EPHA10: variants seen among roughly 807,000 people sequenced by gnomAD.
The protein encoded by EPHA10 is EPH receptor A10, also known as ephrin type-A receptor 10.
In EPHA10, 120 loss-of-function variants were observed where a neutral mutation model predicts 109.7. The ratio of observed to expected loss-of-function variants is 1.09; its 90% CI spans 0.94 to 1.27. The LOEUF is 1.27. Ranked by LOEUF, EPHA10 falls within the 50% of genes most tolerant of loss-of-function variation. The pLI, the probability that EPHA10 is intolerant of heterozygous loss-of-function variation, is 0.00. For synonymous variants in EPHA10, 640 were observed against 618.9 expected, an observed-to-expected ratio of 1.03 and a Z score of -0.51; for missense variants, 1,396 against 1,411.1, an observed-to-expected ratio of 0.99 and a Z score of 0.17.
At chr1:37,748,766 A>G (rs1646277459) in intron 5 of EPHA10, among the ~76,000 whole-genome samples, 1 of 152,188 alleles carries the variant, frequency 6.6e-6, no homozygotes, top group South Asian at 2.1e-4. Flanking sequence ...GAAAATGCTT[A>G]ATAAGCATTT....
intron 11 of EPHA10, among the ~76,000 whole-genome samples, chr1:37,721,118 C>T (rs922173253): frequency 2.0e-5 from 3 of 152,034 alleles, no homozygotes; most frequent in African/African-American, 7.2e-5. Flanking sequence ...GGACCTATCA[C>T]AGGTCAGAAA....
At chr1:37,747,714 G>C (rs1646261881) in intron 5 of EPHA10, among the ~76,000 whole-genome samples, 1 of 152,084 alleles carries the variant, frequency 6.6e-6, no homozygotes, top group Non-Finnish European at 1.5e-5. Context: ...GTTGCAATGA[G>C]CTGAGATGGT....
rs1451481491 is a variant in EPHA10 at position 37,728,904 on chromosome 1, GAGAA to G, written c.1664-1698_1664-1695del. Among the ~76,000 whole-genome samples, 12 of 152,302 alleles carry G rather than the reference GAGAA, an allele frequency of 7.9e-5. No homozygotes were observed. The East Asian group carries it at 1.9e-3, about 24-fold the overall frequency. ...AGGCAACCATGTGGACACAGAAACG[GAGAA>G]AGATGCCAGCAGTGGGCAGTCTCTG... On this transcript the variant is annotated intron_variant, in intron 7 of 16. Transcript: ENST00000373048.
At position 37,720,764 on chromosome 1, in the gene EPHA10, C is replaced by T. The variant is rs375726749; in HGVS notation, c.2208+19G>A. 8 of 1,613,554 alleles carry T rather than the reference C, an allele frequency of 5.0e-6. No homozygotes were observed. The African/African-American group carries it at 9.3e-5, about 19-fold the overall frequency. On this transcript the variant is annotated intron_variant, in intron 12 of 16. Transcript: ENST00000373048. ...CTTTACAGAATAAAGTGGTCATTGG[C>T]AGCCCCAGGGCCACTCACCCTGAGG...
In EPHA10 at chr1:37,717,996, T is replaced by C; in HGVS notation, c.*376A>G. The C allele has an allele frequency of 3.4e-6, 1 of 291,748 alleles. No homozygotes were observed. The highest frequency in any genetic ancestry group is 6.5e-6 in the Non-Finnish European group (1 of 154,952). The allele number at this position is 291,748 out of a possible 1,614,324, so 18.1% of individuals were successfully genotyped here. ...TGGGAAAAGGGAACACCCCACGGGGTAGGCCCCAGCCCCCAGTGGGTACAA... is the reference window on the plus strand; with the variant it reads ...TGGGAAAAGGGAACACCCCACGGGGCAGGCCCCAGCCCCCAGTGGGTACAA... On this transcript the variant is annotated 3_prime_UTR_variant, in exon 17 of 17. Coordinates refer to ENST00000373048, the MANE Select transcript of EPHA10 (RefSeq NM_001099439.2).
chr1:37,764,823 A>G lies in EPHA10; in HGVS notation c.106+138T>C, dbSNP rs979330125. ...TGATCACATTTTTCTCTGTCTCTCC[A>G]GTTCTTTGCTGCCTGCTTGCTTCAA... On this transcript the variant is annotated intron_variant, in intron 1 of 16. Coordinates refer to ENST00000373048, the MANE Select transcript of EPHA10 (RefSeq NM_001099439.2). This position sits in a 1 kb window ranked among gnomAD's most constrained non-coding sequence, Gnocchi z 5.8. The G allele has an allele frequency of 1.5e-6, 1 of 666,324 alleles. No homozygotes were observed. Among genetic ancestry groups the G allele is most frequent in the Non-Finnish European group, 2.4e-6 (1 of 409,650 alleles). The allele number at this position is 666,324 out of a possible 1,614,324, so 41.3% of individuals were successfully genotyped here.
chr1:37,747,051 G>A (rs551610102), intron 5 of EPHA10, among the ~76,000 whole-genome samples: 36 of 152,080 alleles, frequency 2.4e-4, no homozygotes, highest in South Asian at 4.2e-4. Flanking sequence ...ACAACTATGC[G>A]GATATATGAA....
rs1351419598 is a variant in EPHA10, at chr1:37,753,133, C to A, written c.1100G>T (p.Gly367Val). The A allele has an allele frequency of 2.1e-6, 3 of 1,406,100 alleles. No individual in the cohort carries two copies. The highest frequency in any genetic ancestry group is 1.5e-5 in the African/African-American group (1 of 66,776). 87.1% of individuals were successfully genotyped at this position (1,406,100 alleles called of 1,614,324 possible). The change falls in exon 5 of 17, where the codon GGC becomes GTC. Residue 367 changes from glycine to valine, a missense_variant. Physicochemically the swap from Gly to Val is moderately radical, Grantham distance 109 (BLOSUM62 -3). Transcript: ENST00000373048. ...CAGCGAGTAGGTGACGTCCGAGCGG[C>A]CTCCCGAGTCGGCCGGCGGCAGCCA... Reference protein sequence around the residue: ...LRWLPPADSGGRSDVTYSLLC... With the variant: ...LRWLPPADSGVRSDVTYSLLC...
chr1:37,727,077 A>C (rs1001573151), intron 8 of EPHA10, 25 bp downstream of exon 8: 1 of 1,585,254 alleles, frequency 6.3e-7, no homozygotes, highest in Non-Finnish European at 8.6e-7. Flanking sequence ...ACCAGGAGTC[A>C]CCTAGGCTGG....
chr1:37,714,900 A>C (rs1021927499), downstream of EPHA10: 2 of 152,246 alleles, frequency 1.3e-5, no homozygotes, highest in African/African-American at 2.4e-5. Flanking sequence ...CCTGTCGGCA[A>C]ACCCATGGGT....
chr1:37,735,497 G>A, intron 5 of EPHA10, 107 bp from the exon 6 acceptor site: 3 of 1,352,040 alleles, frequency 2.2e-6, no homozygotes, highest in Non-Finnish European at 3.0e-6. Flanking sequence ...GGACTAGAGA[G>A]GCCTGGGGCG....
chr1:37,726,450 C>T (rs906116172), intron 8 of EPHA10, among the ~76,000 whole-genome samples: 1 of 152,222 alleles, frequency 6.6e-6, no homozygotes, highest in African/African-American at 2.4e-5. Flanking sequence ...CCCAGCCCGC[C>T]CAGCCTGGGA....
chr1:37,725,427 A>G (rs955823740), intron 8 of EPHA10, among the ~76,000 whole-genome samples: 2 of 147,632 alleles, frequency 1.4e-5, no homozygotes, highest in Non-Finnish European at 3.0e-5. Context: ...AATCAGTTGA[A>G]CCGGGGAGGC....
At chr1:37,735,223 G>A in intron 6 of EPHA10, 34 bp downstream of exon 6, 1 of 1,559,010 alleles carries the variant, frequency 6.4e-7, no homozygotes, top group Admixed American at 1.9e-5. Flanking sequence ...CAGGTGCGGG[G>A]CAGGCTCCAG....
intron 5 of EPHA10, among the ~76,000 whole-genome samples, chr1:37,749,378 A>T (rs1646288778): frequency 6.6e-6 from 1 of 151,878 alleles, no homozygotes; most frequent in Admixed American, 6.6e-5. Context: ...AACAGTTAAG[A>T]TTGTTAACAT....
At position 37,762,048 on chromosome 1, in the gene EPHA10, A is replaced by T. The variant is rs1479546330; in HGVS notation, c.207T>A (p.Arg69=). 8.7e-6 allele frequency: 14 copies of T among 1,605,802 alleles called. No individual in the cohort carries two copies. Among genetic ancestry groups the T allele is most frequent in the Non-Finnish European group, 1.1e-5 (13 of 1,174,980 alleles). The change falls in exon 3 of 17, where the codon CGT becomes CGA. Residue 69 remains arginine (R), a synonymous_variant. Coordinates refer to ENST00000373048, the MANE Select transcript of EPHA10 (RefSeq NM_001099439.2). The stretch of plus-strand genomic sequence containing the variant: ...TGCACACTTGGTACGTGCGGATGGG[A>T]CGGTCGTGTTCATCCACGCCGCTGA... ...EEISGVDEHD[R]PIRTYQVCNV...
chr1:37,717,808 G>C lies in EPHA10; in HGVS notation c.*564C>G. The C allele has an allele frequency of 4.3e-6, 1 of 233,926 alleles. No homozygotes were observed. The highest frequency in any genetic ancestry group is 8.4e-6 in the Non-Finnish European group (1 of 118,524). 14.5% of individuals were successfully genotyped at this position (233,926 alleles called of 1,614,324 possible). ...CTCAGCACCATCTTTGCCTGCCTGA[G>C]CCTTGGCCAGTGTCCAGTCAGCCCC... On this transcript the variant is annotated 3_prime_UTR_variant, in exon 17 of 17. Transcript: ENST00000373048.
chr1:37,729,928 C>T (rs1012395616), intron 7 of EPHA10, among the ~76,000 whole-genome samples: 3 of 151,852 alleles, frequency 2.0e-5, no homozygotes, highest in African/African-American at 7.3e-5. Context: ...CCACACTCTG[C>T]AGATTGGGAG....
chr1:37,754,167 C>T lies in EPHA10; in HGVS notation c.1006+48G>A. 7.9e-7 allele frequency: 1 copy of T among 1,260,996 alleles called. No individual in the cohort carries two copies. The highest frequency in any genetic ancestry group is 1.0e-6 in the Non-Finnish European group (1 of 995,656). The allele number at this position is 1,260,996 out of a possible 1,614,324, so 78.1% of individuals were successfully genotyped here. A position where few individuals can be genotyped will look rare whatever the true frequency, so the allele number is the denominator to read the frequency against. ...CCTGGATCAGGCCTTCCTTCTTGGC[C>T]ACTCCCACCCCCCACCCTCCGCAGT... is the stretch of plus-strand genomic sequence containing the variant. On this transcript the variant is annotated intron_variant, in intron 4 of 16. Transcript: ENST00000373048. This position sits in a 1 kb window ranked among gnomAD's most constrained non-coding sequence, Gnocchi z 4.5.
Sources: allele counts gnomAD v4.1 joint callset (sites outside exome capture counted in the v4.1 genomes callset), GRCh38; gene constraint gnomAD v4.1.1; non-coding constraint Gnocchi (gnomAD v3.1); transcripts MANE v1.5; gene names NCBI Gene and HGNC (gene_info 2026-07-23, HGNC 2026-07-21).